The following LARGE1 variants were observed in gnomAD, a reference collection of about 807,000 sequenced individuals.
The protein encoded by LARGE1 is LARGE xylosyl- and glucuronyltransferase 1, also known as xylosyl- and glucuronyltransferase LARGE1.
LARGE1 carries 43 observed loss-of-function variants against 87.6 expected under a neutral mutation model. The observed-to-expected ratio is 0.49, with a 90% CI of 0.38 to 0.63. The LOEUF (loss-of-function observed/expected upper bound fraction) is 0.63, where lower values mean the gene tolerates loss of function less well. LARGE1 is among the 30% of genes least tolerant of loss of function. The probability of loss-of-function intolerance (pLI) is 0.00; values close to 1 mark genes in which losing one functional copy is unlikely to be tolerated. For synonymous variants in LARGE1, 434 were observed against 394.6 expected, an observed-to-expected ratio of 1.10 and a Z score of -1.18; for missense variants, 802 against 1,000.2, an observed-to-expected ratio of 0.80 and a Z score of 2.67.
chr22:33,762,087 G>A (rs913549535), intron 1 of LARGE1, among the ~76,000 whole-genome samples: 6 of 151,898 alleles, frequency 4.0e-5, no homozygotes, highest in South Asian at 2.1e-4. Flanking sequence ...ATGGTGGCAC[G>A]CCTGCAATCC....
At chr22:33,094,585 T>TTTTC in the LARGE1 span, among the ~76,000 whole-genome samples, 1 of 151,986 alleles carries the variant, frequency 6.6e-6, no homozygotes. Context: ...TTTCTCTACT[T>TTTTC]TTTCTTTCTT....
intron 6 of LARGE1, among the ~76,000 whole-genome samples, chr22:33,493,754 C>T (rs2069970299): frequency 6.6e-6 from 1 of 152,170 alleles, no homozygotes; most frequent in Non-Finnish European, 1.5e-5. Context: ...CACAGCCACA[C>T]AGCTGCACTC....
At chr22:33,775,174 T>C (rs1327241241) in intron 1 of LARGE1, among the ~76,000 whole-genome samples, 1 of 152,214 alleles carries the variant, frequency 6.6e-6, no homozygotes, top group Non-Finnish European at 1.5e-5. Flanking sequence ...GCACTGAGGT[T>C]CAAAGAGGTT....
At chr22:33,251,816 C>T (rs1422492718) in intron 11 of LARGE1, among the ~76,000 whole-genome samples, 2 of 152,128 alleles carry the variant, frequency 1.3e-5, no homozygotes, top group South Asian at 2.1e-4. Context: ...ATGCCTGGCT[C>T]GTAAAGAAGT....
chr22:33,801,407 A>T (rs974578247), intron 1 of LARGE1, among the ~76,000 whole-genome samples: 11 of 152,218 alleles, frequency 7.2e-5, no homozygotes, highest in African/African-American at 2.4e-4. Flanking sequence ...ATTCATTCTA[A>T]TAGGTGTGTA....
intron 11 of LARGE1, among the ~76,000 whole-genome samples, chr22:33,213,757 G>A (rs1238694256): frequency 6.6e-6 from 1 of 152,124 alleles, no homozygotes; most frequent in Non-Finnish European, 1.5e-5. Flanking sequence ...GCAGTATACT[G>A]TAAACATTAC....
At chr22:33,311,299 C>T (rs190276643) in intron 11 of LARGE1, among the ~76,000 whole-genome samples, 345 of 152,256 alleles carry the variant, frequency 2.3e-3, no homozygotes, top group Admixed American at 4.8e-3. Flanking sequence ...GCAGCCCAGG[C>T]CAGAAGGATG....
intron 7 of LARGE1, among the ~76,000 whole-genome samples, chr22:33,394,976 C>T (rs142046645): frequency 0.011 from 1,704 of 152,170 alleles, 63 homozygotes; most frequent in East Asian, 0.088. Context: ...CCTGTAATCC[C>T]AGCACTTTGG....
intron 5 of LARGE1, among the ~76,000 whole-genome samples, chr22:33,598,677 T>C (rs1166654593): frequency 3.3e-5 from 5 of 152,222 alleles, no homozygotes; most frequent in African/African-American, 1.2e-4. Context: ...TCCAGCTTCA[T>C]CCATGTTCCT....
At chr22:33,514,882 A>G (rs547442996) in intron 6 of LARGE1, among the ~76,000 whole-genome samples, 1 of 148,318 alleles carries the variant, frequency 6.7e-6, no homozygotes, top group Non-Finnish European at 1.5e-5. Context: ...ACCTAAGCTC[A>G]CTGAGGCTGT....
chr22:33,893,731 G>A (rs1288436513), intron 1 of LARGE1, among the ~76,000 whole-genome samples: 3 of 152,152 alleles, frequency 2.0e-5, no homozygotes, highest in East Asian at 3.9e-4. Flanking sequence ...CAAATATTGG[G>A]TTCCCCACTC....
chr22:33,433,607 CAAAAAAAAAA>C (rs57605083), intron 6 of LARGE1, among the ~76,000 whole-genome samples: 3 of 88,266 alleles, frequency 3.4e-5, no homozygotes, highest in Admixed American at 1.4e-4. Context: ...AAAAACAAAA[CAAAAAAAAAA>C]AAAAAAAAAA....
chr22:33,918,709 T>C (rs1177919249), intron 1 of LARGE1, among the ~76,000 whole-genome samples: 1 of 152,190 alleles, frequency 6.6e-6, no homozygotes, highest in Non-Finnish European at 1.5e-5. Context: ...CTTAAGTCTA[T>C]CAAAGCTGAC....
intron 6 of LARGE1, among the ~76,000 whole-genome samples, chr22:33,455,844 C>T (rs1003621261): frequency 2.0e-5 from 3 of 150,864 alleles, no homozygotes; most frequent in Non-Finnish European, 2.9e-5. Flanking sequence ...CATTCTTGTG[C>T]GTGAAGAGTG....
chr22:33,138,367 TG>T, the LARGE1 span, among the ~76,000 whole-genome samples: 26 of 152,164 alleles, frequency 1.7e-4, no homozygotes, highest in African/African-American at 6.3e-4. Flanking sequence ...GTAACTAACT[TG>T]CTTTTGATTT....
intron 11 of LARGE1, among the ~76,000 whole-genome samples, chr22:33,203,956 A>C (rs576267912): frequency 1.3e-5 from 2 of 152,296 alleles, no homozygotes; most frequent in South Asian, 4.1e-4. Flanking sequence ...TGAACCCTGG[A>C]GGCCCTGGAG....
intron 2 of LARGE1, chr22:33,725,769 T>C (rs954087571): frequency 6.6e-6 from 1 of 152,206 alleles, no homozygotes; most frequent in Non-Finnish European, 1.5e-5. Flanking sequence ...AAGCACCAAA[T>C]GAACACTTTT....
At chr22:33,761,658 C>G in intron 1 of LARGE1, 100 bp from the exon 2 acceptor site, 2 of 636,976 alleles carry the variant, frequency 3.1e-6, no homozygotes, top group Non-Finnish European at 2.8e-6. Flanking sequence ...AGGGGTTCAA[C>G]TGATCTAGGC....
chr22:33,756,897 G>T (rs556386380), intron 2 of LARGE1, among the ~76,000 whole-genome samples: 12 of 152,320 alleles, frequency 7.9e-5, no homozygotes, highest in African/African-American at 2.9e-4. Context: ...TCAACAGGAG[G>T]TGGCAACCGA....
Sources: gnomAD v4.1 joint callset for allele counts (sites outside exome capture counted in the v4.1 genomes callset) on GRCh38, gnomAD v4.1.1 for gene constraint, MANE v1.5 for transcripts, NCBI Gene and HGNC (gene_info 2026-07-23, HGNC 2026-07-21) for gene names.